CDC14C: variants seen among roughly 807,000 people sequenced by gnomAD.
CDC14C encodes dual specificity protein phosphatase CDC14C.
Under a neutral mutation model 26.9 loss-of-function variants are expected in CDC14C, and 19 were observed. That is an observed-to-expected ratio of 0.71 (90% CI 0.49 to 1.04). The LOEUF (loss-of-function observed/expected upper bound fraction) is 1.04, where lower values mean the gene tolerates loss of function less well. Ranked by LOEUF, CDC14C falls within the 50% of genes least tolerant of loss-of-function variation. The pLI is 0.00. For missense variants in CDC14C, 423 were observed against 520.0 expected (o/e 0.81, Z 1.81); for synonymous variants, 185 against 180.1 (o/e 1.03, Z -0.22).
In CDC14C at chr7:48,924,823, G is replaced by A. The variant is rs569396207; in HGVS notation, c.151G>A (p.Glu51Lys). Residue 51 changes from glutamate (E) to lysine (K), a missense_variant, in exon 1 of 1, where the codon GAA becomes AAA. Physicochemically the swap from Glu to Lys is moderately conservative, Grantham distance 56. This residue lies in a region of CDC14C where 310 missense variants were observed against 356.8 expected (regional missense o/e 0.87). Transcript: ENST00000650262. ...VHYFSIDNEL[E>K]YENFSEDFGP... is the part of the protein sequence containing the mutation. ...TTATTTCAGCATAGATAATGAACTC[G>A]AATATGAGAACTTCTCCGAAGACTT... The A allele has an allele frequency of 3.8e-5, 51 of 1,325,254 alleles. No homozygotes were observed. Among genetic ancestry groups the A allele is most frequent in the Non-Finnish European group, 5.2e-5 (48 of 916,422 alleles). The allele number at this position is 1,325,254 out of a possible 1,614,324, so 82.1% of individuals were successfully genotyped here. A position where few individuals can be genotyped will look rare whatever the true frequency, so the allele number is the denominator to read the frequency against.
chr7:48,925,954 C>T lies in CDC14C; in HGVS notation c.1282C>T (p.Leu428=). The T allele has an allele frequency of 2.6e-6, 2 of 754,886 alleles. No homozygotes were observed. Among genetic ancestry groups the T allele is most frequent in the South Asian group, 2.8e-5 (2 of 71,164 alleles). 46.8% of individuals were successfully genotyped at this position (754,886 alleles called of 1,614,324 possible). A position where few individuals can be genotyped will look rare whatever the true frequency, so the allele number is the denominator to read the frequency against. The change falls in exon 1 of 1, where the codon CTG becomes TTG. Residue 428 remains leucine (L), a synonymous_variant. Coordinates refer to ENST00000650262, the MANE Select transcript of CDC14C (RefSeq NM_152627.3). ...PSPLAVLTFT[L]CSVVIWWIVC... ...TCCCCTGGCTGTGCTGACCTTTACACTGTGTAGTGTTGTCATCTGGTGGAT... is the reference window on the plus strand; with the variant it reads ...TCCCCTGGCTGTGCTGACCTTTACATTGTGTAGTGTTGTCATCTGGTGGAT...
Position 48,924,554 on chromosome 7 carries a change from T to C in CDC14C, c.-119T>C, listed in dbSNP as rs1296050423. On this transcript the variant is annotated 5_prime_UTR_variant, in exon 1 of 1. Transcript: ENST00000650262. ...GGCGGCGCGCGCGGGGCCGTGGTCG[T>C]TGCTCCCTGACTGGCCGCGGCGGCC... The C allele has an allele frequency of 1.4e-5, 9 of 660,830 alleles. No homozygotes were observed. Among genetic ancestry groups the C allele is most frequent in the Middle Eastern group, 4.2e-4 (1 of 2,366 alleles). The allele number at this position is 660,830 out of a possible 1,614,324, so 40.9% of individuals were successfully genotyped here.
In CDC14C at chr7:48,925,837, G is replaced by C; in HGVS notation, c.1165G>C (p.Asp389His). Residue 389 changes from aspartate (D) to histidine (H), a missense_variant, in exon 1 of 1, where the codon GAC (aspartate) becomes CAC (histidine). Physicochemically the swap from Asp to His is moderately conservative, Grantham distance 81. Coordinates refer to ENST00000650262, the MANE Select transcript of CDC14C (RefSeq NM_152627.3). ...GCAAGAACCCAAACCTTACAGTGAT[G>C]ACGACGAAATCAATGGAGTGACACA... ...DQQEPKPYSDDDEINGVTQGD... is the reference protein window; with the variant it reads ...DQQEPKPYSDHDEINGVTQGD... 2 of 799,398 alleles carry C rather than the reference G, an allele frequency of 2.5e-6. No individual in the cohort carries two copies. The highest frequency in any genetic ancestry group is 2.5e-5 in the East Asian group (1 of 39,854). 49.5% of individuals were successfully genotyped at this position (799,398 alleles called of 1,614,324 possible). A position where few individuals can be genotyped will look rare whatever the true frequency, so the allele number is the denominator to read the frequency against.
Position 48,925,998 on chromosome 7 carries a change from T to G in CDC14C, c.1326T>G (p.Leu442=), listed in dbSNP as rs1285030406. Reference sequence around the variant, plus strand: ...GGTGGATTGTTTGTGACTACATTCTTCCCATCCTGCTATTCTGACTCAAAG... The same window carrying G: ...GGTGGATTGTTTGTGACTACATTCTGCCCATCCTGCTATTCTGACTCAAAG... The part of the protein sequence containing the change: ...VIWWIVCDYI[L]PILLF The change falls in exon 1 of 1, where the codon CTT becomes CTG. Residue 442 remains leucine, a synonymous_variant. Coordinates refer to ENST00000650262, the MANE Select transcript of CDC14C (RefSeq NM_152627.3). 1 of 751,302 alleles carries G rather than the reference T, an allele frequency of 1.3e-6. No individual in the cohort carries two copies. The allele number at this position is 751,302 out of a possible 1,614,324, so 46.5% of individuals were successfully genotyped here. A position where few individuals can be genotyped will look rare whatever the true frequency, so the allele number is the denominator to read the frequency against.
In CDC14C at chr7:48,927,405, A is replaced by G. The variant is rs1798908953; in HGVS notation, c.*1389A>G. 6.6e-6 allele frequency among the ~76,000 whole-genome samples: 1 copy of G among 152,160 alleles called. No individual in the cohort carries two copies. The highest frequency in any genetic ancestry group is 2.4e-5 in the African/African-American group (1 of 41,438). On this transcript the variant is annotated 3_prime_UTR_variant, in exon 1 of 1. Transcript: ENST00000650262. ...GGACTGAAGAACTGGGAGGTTGCCC[A>G]TTGTTTGGTTGCCAGTCATACAAAT...
rs775488250 is a variant in CDC14C at position 48,925,439 on chromosome 7, C to G, written c.767C>G (p.Ala256Gly). 1 of 1,610,618 alleles carries G rather than the reference C, an allele frequency of 6.2e-7. No individual in the cohort carries two copies. Among genetic ancestry groups the G allele is most frequent in the African/African-American group, 1.3e-5 (1 of 74,874 alleles). The change falls in exon 1 of 1, where the codon GCG becomes GGG. Residue 256 changes from alanine (A) to glycine (G), a missense_variant. Around this residue, in one of 3 missense-constraint regions of CDC14C, gnomAD observed 310 missense variants for 356.8 expected, o/e 0.87. Coordinates refer to ENST00000650262, the MANE Select transcript of CDC14C (RefSeq NM_152627.3). Reference protein sequence around the residue: ...AGFDHHDLFFADGSTPTDAIV... With the variant: ...AGFDHHDLFFGDGSTPTDAIV... ...TTCGATCACCATGATCTTTTCTTTG[C>G]GGATGGCAGCACCCCTACTGATGCC...
Position 48,924,560 on chromosome 7 carries a change from C to A in CDC14C, c.-113C>A. On this transcript the variant is annotated 5_prime_UTR_variant, in exon 1 of 1. Transcript: ENST00000650262. ...GCGCGCGGGGCCGTGGTCGTTGCTC[C>A]CTGACTGGCCGCGGCGGCCTCCAGG... is the stretch of plus-strand genomic sequence containing the variant. 1.4e-6 allele frequency: 1 copy of A among 692,836 alleles called. No individual in the cohort carries two copies. Among genetic ancestry groups the A allele is most frequent in the Middle Eastern group, 4.1e-4 (1 of 2,428 alleles). 42.9% of individuals were successfully genotyped at this position (692,836 alleles called of 1,614,324 possible). A position where few individuals can be genotyped will look rare whatever the true frequency, so the allele number is the denominator to read the frequency against.
In CDC14C at chr7:48,925,451, C is replaced by A; in HGVS notation, c.779C>A (p.Thr260Asn). 2 of 1,609,384 alleles carry A rather than the reference C, an allele frequency of 1.2e-6. No homozygotes were observed. Among genetic ancestry groups the A allele is most frequent in the East Asian group, 2.2e-5 (1 of 44,852 alleles). The change falls in exon 1 of 1, where the codon ACC becomes AAC. Residue 260 changes from threonine to asparagine, a missense_variant. By Grantham distance (65) the Thr-to-Asn change is moderately conservative. This residue lies in a region of CDC14C where 310 missense variants were observed against 356.8 expected (regional missense o/e 0.87). Coordinates refer to ENST00000650262, the MANE Select transcript of CDC14C (RefSeq NM_152627.3). ...GATCTTTTCTTTGCGGATGGCAGCA[C>A]CCCTACTGATGCCATTGTCAAAAGA... is the stretch of plus-strand genomic sequence containing the variant. Reference protein sequence around the residue: ...HHDLFFADGSTPTDAIVKRFL... With the variant: ...HHDLFFADGSNPTDAIVKRFL...
In CDC14C at chr7:48,925,003, G is replaced by T. The variant is rs754748386; in HGVS notation, c.331G>T (p.Val111Phe). The change falls in exon 1 of 1, where the codon GTT becomes TTT. Residue 111 changes from valine to phenylalanine, a missense_variant. Coordinates refer to ENST00000650262, the MANE Select transcript of CDC14C (RefSeq NM_152627.3). ...NAAFLVGCYM[V>F]IYLGRTPEAA... ...TGCCTTCCTTGTTGGATGCTACATG[G>T]TTATATACTTGGGGAGAACCCCAGA... The T allele has an allele frequency of 5.1e-6, 7 of 1,375,916 alleles. No homozygotes were observed. The African/African-American group carries it at 1.0e-4, about 20-fold the overall frequency. 85.2% of individuals were successfully genotyped at this position (1,375,916 alleles called of 1,614,324 possible). A position where few individuals can be genotyped will look rare whatever the true frequency, so the allele number is the denominator to read the frequency against.
Position 48,925,878 on chromosome 7 carries a change from G to C in CDC14C, c.1206G>C (p.Arg402=), listed in dbSNP as rs555406866. 3.4e-4 allele frequency: 275 copies of C among 812,712 alleles called. No individual in the cohort carries two copies. The highest frequency in any genetic ancestry group is 2.4e-3 in the Middle Eastern group (11 of 4,518). The allele number at this position is 812,712 out of a possible 1,614,324, so 50.3% of individuals were successfully genotyped here. The change falls in exon 1 of 1, where the codon CGG becomes CGC. Residue 402 remains arginine (R), a synonymous_variant. Coordinates refer to ENST00000650262, the MANE Select transcript of CDC14C (RefSeq NM_152627.3). ...GAGTGACACAAGGTGATAGAAGTCG[G>C]GCCCTGAAAAGGCGAAGACAATCAA... The part of the protein sequence containing the change: ...INGVTQGDRS[R]ALKRRRQSKT...
rs1798900179 is a variant in CDC14C, at chr7:48,926,849, T to G, written c.*833T>G. 6.6e-6 allele frequency among the ~76,000 whole-genome samples: 1 copy of G among 152,106 alleles called. No homozygotes were observed. On this transcript the variant is annotated 3_prime_UTR_variant, in exon 1 of 1. Transcript: ENST00000650262. ...AGAAAGGCCCAGCTCTCAAGCTGAA[T>G]GACAAAAATGCTGTTGTAAATTTAG...
In CDC14C at chr7:48,926,486, A is replaced by G. The variant is rs1216371469; in HGVS notation, c.*470A>G. Among the ~76,000 whole-genome samples the G allele has an allele frequency of 6.6e-6, 1 of 152,072 alleles. No individual in the cohort carries two copies. The highest frequency in any genetic ancestry group is 1.5e-5 in the Non-Finnish European group (1 of 68,020). On this transcript the variant is annotated 3_prime_UTR_variant, in exon 1 of 1. Transcript: ENST00000650262. ...AGTCATTAGCATTGTTTCTATAGAT[A>G]TTAAATTAACTAAAAGTATCCCTTA...
rs1278130162 is a variant in CDC14C, at chr7:48,925,475, G to T, written c.803G>T (p.Arg268Ile). The change falls in exon 1 of 1, where the codon AGA (arginine) becomes ATA (isoleucine). Residue 268 changes from arginine to isoleucine, a missense_variant. Coordinates refer to ENST00000650262, the MANE Select transcript of CDC14C (RefSeq NM_152627.3). ...GSTPTDAIVK[R>I]FLDICENAEG... ...ACCCCTACTGATGCCATTGTCAAAA[G>T]ATTTCTGGATATCTGTGAAAATGCT... 1.9e-6 allele frequency: 3 copies of T among 1,608,144 alleles called. No homozygotes were observed. The highest frequency in any genetic ancestry group is 2.2e-5 in the East Asian group (1 of 44,848).
Position 48,924,608 on chromosome 7 carries a change from C to T in CDC14C, c.-65C>T. 4.5e-6 allele frequency: 4 copies of T among 888,548 alleles called. No homozygotes were observed. In the South Asian group the frequency reaches 6.0e-5, roughly 13 times the overall value. The allele number at this position is 888,548 out of a possible 1,614,324, so 55.0% of individuals were successfully genotyped here. On this transcript the variant is annotated 5_prime_UTR_variant, in exon 1 of 1. Transcript: ENST00000650262. ...AGGAAGCGGAAAAGCAAGGGGCGGT[C>T]GAGCTGGGCCGCCGCGCCCCACTGC...
Position 48,924,870 on chromosome 7 carries a change from G to A in CDC14C, c.198G>A (p.Met66Ile), listed in dbSNP as rs1333257664. The change falls in exon 1 of 1, where the codon ATG (methionine) becomes ATA (isoleucine). Residue 66 changes from methionine to isoleucine, a missense_variant. This residue lies in a region of CDC14C where 310 missense variants were observed against 356.8 expected (regional missense o/e 0.87). Coordinates refer to ENST00000650262, the MANE Select transcript of CDC14C (RefSeq NM_152627.3). ...SEDFGPLNLA[M>I]VYRYCCKINK... ...ACTTTGGACCACTCAATCTGGCAAT[G>A]GTTTACAGATATTGTTGCAAGATAA... The A allele has an allele frequency of 6.8e-7, 1 of 1,463,540 alleles. No individual in the cohort carries two copies. The highest frequency in any genetic ancestry group is 2.3e-5 in the East Asian group (1 of 44,116). 90.7% of individuals were successfully genotyped at this position (1,463,540 alleles called of 1,614,324 possible).
chr7:48,925,864 G>A lies in CDC14C; in HGVS notation c.1192G>A (p.Gly398Ser), dbSNP rs207467834. 664 of 804,278 alleles carry A rather than the reference G, an allele frequency of 8.3e-4. 11 individuals carry two copies. Among genetic ancestry groups the A allele is most frequent in the South Asian group, 8.2e-3 (611 of 74,346 alleles). The allele number at this position is 804,278 out of a possible 1,614,324, so 49.8% of individuals were successfully genotyped here. The stretch of plus-strand genomic sequence containing the variant: ...CGACGAAATCAATGGAGTGACACAA[G>A]GTGATAGAAGTCGGGCCCTGAAAAG... Reference protein sequence around the residue: ...DDDEINGVTQGDRSRALKRRR... With the variant: ...DDDEINGVTQSDRSRALKRRR... Residue 398 changes from glycine to serine, a missense_variant, in exon 1 of 1, where the codon GGT becomes AGT. Transcript: ENST00000650262.
rs1331087629 is a variant in CDC14C at position 48,925,870 on chromosome 7, A to G, written c.1198A>G (p.Arg400Gly). Residue 400 changes from arginine to glycine, a missense_variant, in exon 1 of 1, where the codon AGA becomes GGA. By Grantham distance (125) the Arg-to-Gly change is moderately radical. Transcript: ENST00000650262. ...DEINGVTQGD[R>G]SRALKRRRQS... is the part of the protein sequence containing the mutation. ...AATCAATGGAGTGACACAAGGTGAT[A>G]GAAGTCGGGCCCTGAAAAGGCGAAG... 2.5e-6 allele frequency: 2 copies of G among 807,138 alleles called. No individual in the cohort carries two copies. Among genetic ancestry groups the G allele is most frequent in the Non-Finnish European group, 4.5e-6 (2 of 443,754 alleles). 50.0% of individuals were successfully genotyped at this position (807,138 alleles called of 1,614,324 possible).
rs1798858915 is a variant in CDC14C, at chr7:48,924,911, C to T, written c.239C>T (p.Ser80Phe). ...YCCKINKKLKSITMLRKKIVH... is the reference protein window; with the variant it reads ...YCCKINKKLKFITMLRKKIVH... ...TGCAAGATAAATAAGAAATTAAAGTCCATTACAATGTTAAGGAAGAAAATT... is the reference window on the plus strand; with the variant it reads ...TGCAAGATAAATAAGAAATTAAAGTTCATTACAATGTTAAGGAAGAAAATT... The change falls in exon 1 of 1, where the codon TCC becomes TTC. Residue 80 changes from serine (S) to phenylalanine (F), a missense_variant. By Grantham distance (155) the Ser-to-Phe change is radical. This residue lies in a region of CDC14C where 310 missense variants were observed against 356.8 expected (regional missense o/e 0.87). Coordinates refer to ENST00000650262, the MANE Select transcript of CDC14C (RefSeq NM_152627.3). 7.0e-7 allele frequency: 1 copy of T among 1,429,680 alleles called. No individual in the cohort carries two copies. The highest frequency in any genetic ancestry group is 1.4e-5 in the African/African-American group (1 of 71,486). The allele number at this position is 1,429,680 out of a possible 1,614,324, so 88.6% of individuals were successfully genotyped here. A position where few individuals can be genotyped will look rare whatever the true frequency, so the allele number is the denominator to read the frequency against.
In CDC14C at chr7:48,926,657, G is replaced by T. The variant is rs1798896629; in HGVS notation, c.*641G>T. ...GCAGTTTTCCACTCTGGGCTGGGTGGGCCAGGTGTTCCTTGCCCTCATTCC... is the reference window on the plus strand; with the variant it reads ...GCAGTTTTCCACTCTGGGCTGGGTGTGCCAGGTGTTCCTTGCCCTCATTCC... On this transcript the variant is annotated 3_prime_UTR_variant, in exon 1 of 1. Coordinates refer to ENST00000650262, the MANE Select transcript of CDC14C (RefSeq NM_152627.3). Among the ~76,000 whole-genome samples the T allele has an allele frequency of 6.6e-6, 1 of 151,924 alleles. No homozygotes were observed. Among genetic ancestry groups the T allele is most frequent in the Non-Finnish European group, 1.5e-5 (1 of 67,998 alleles).
Sources: gnomAD v4.1 joint callset for allele counts (sites outside exome capture counted in the v4.1 genomes callset) on GRCh38, gnomAD v4.1.1 for gene constraint, gnomAD v4.1.1 regional missense constraint, MANE v1.5 for transcripts, NCBI Gene and HGNC (gene_info 2026-07-23, HGNC 2026-07-21) for gene names.